Variants in MALT1 observed in about 807,000 individuals in gnomAD.
MALT1 encodes the protein mucosa-associated lymphoid tissue lymphoma translocation protein 1.
Under a neutral mutation model 85.5 loss-of-function variants are expected in MALT1, and 36 were observed. That is an observed-to-expected ratio of 0.42 (90% CI 0.32 to 0.56). MALT1 has a LOEUF of 0.56. Among genes scored for constraint, MALT1 ranks in the 20% least tolerant of loss-of-function variants. MALT1 has a pLI of 0.10. For synonymous variants in MALT1, 359 were observed against 361.3 expected (o/e 0.99, Z 0.07); for missense variants, 716 against 981.6 (o/e 0.73, Z 3.62).
In MALT1 at chr18:58,700,768, C is replaced by T. The variant is rs180736805; in HGVS notation, c.649+177C>T. Among the ~76,000 whole-genome samples, 153 of 149,192 alleles carry T rather than the reference C, an allele frequency of 1.0e-3. 2 individuals are homozygous for T. The East Asian group carries it at 0.012, about 12-fold the overall frequency. On this transcript the variant is annotated intron_variant, in intron 4 of 16. Transcript: ENST00000649217. The stretch of plus-strand genomic sequence containing the variant: ...GATTTGATCCATGTGTTTTGTCTTT[C>T]TTTTTTTTTTAATTTAGTTTTTGGT...
chr18:58,692,445 C>CA (rs1568129469), intron 2 of MALT1, among the ~76,000 whole-genome samples: 922 of 28,388 alleles, frequency 0.032, 25 homozygotes, highest in African/African-American at 0.096. Flanking sequence ...TCACTCTCTC[C>CA]CTCCCTCCCT....
chr18:58,727,625 TTTG>T (rs1159557137), intron 10 of MALT1, among the ~76,000 whole-genome samples: 8 of 128,350 alleles, frequency 6.2e-5, no homozygotes, highest in African/African-American at 1.4e-4. Context: ...TGTTTTTTTT[TTTG>T]TTTTTTTTTT....
chr18:58,727,926 G>T (rs1360662955), intron 10 of MALT1, among the ~76,000 whole-genome samples: 2 of 152,164 alleles, frequency 1.3e-5, no homozygotes, highest in East Asian at 3.9e-4. Context: ...TGTGAGGATT[G>T]TGTGAGGCAA....
At chr18:58,747,342 T>G (rs761921039) in intron 16 of MALT1, 63 bp from the exon 17 acceptor site, 11 of 1,081,010 alleles carry the variant, frequency 1.0e-5, no homozygotes, top group Middle Eastern at 2.2e-4. Context: ...TGTGTGAATA[T>G]TTTCAGATTG....
At chr18:58,719,576 ATAT>A (rs2054955057) in intron 9 of MALT1, among the ~76,000 whole-genome samples, 1 of 152,298 alleles carries the variant, frequency 6.6e-6, no homozygotes, top group African/African-American at 2.4e-5. Context: ...GGGGTCACAC[ATAT>A]TATGTTGCTC....
chr18:58,741,920 T>A lies in MALT1; in HGVS notation c.1659T>A (p.Ser553Arg). ...AACAGGCTCTAGAGATTCGAAGTAG[T>A]TTATCTGAGAAGAGAGCACTTACTG... is the stretch of plus-strand genomic sequence containing the variant. ...KGKQALEIRS[S>R]LSEKRALTDP... is the part of the protein sequence containing the mutation. Residue 553 changes from serine to arginine, a missense_variant, in exon 14 of 17, where the codon AGT (serine) becomes AGA (arginine). Transcript: ENST00000649217. 1 of 1,568,822 alleles carries A rather than the reference T, an allele frequency of 6.4e-7. No individual in the cohort carries two copies.
chr18:58,719,274 G>A (rs1274204018), intron 9 of MALT1, among the ~76,000 whole-genome samples: 1 of 148,758 alleles, frequency 6.7e-6, no homozygotes, highest in African/African-American at 2.6e-5. Context: ...GCACCTTAGT[G>A]GGGGTTGGTG....
At chr18:58,692,407 C>CCTCCCTCTCTCTCTCT (rs2054519551) in intron 2 of MALT1, among the ~76,000 whole-genome samples, 1 of 130,360 alleles carries the variant, frequency 7.7e-6, no homozygotes, top group East Asian at 2.5e-4. Flanking sequence ...ACTGGCCATT[C>CCTCCCTCTCTCTCTCT]CTCTCTCTCT....
intron 2 of MALT1, among the ~76,000 whole-genome samples, chr18:58,689,887 G>A (rs527657215): frequency 5.5e-4 from 84 of 152,346 alleles, no homozygotes; most frequent in African/African-American, 1.9e-3. Context: ...AAAAGAGCTT[G>A]GCTTATAGAA....
intron 14 of MALT1, among the ~76,000 whole-genome samples, chr18:58,743,412 T>A (rs1169230586): frequency 6.6e-6 from 1 of 152,316 alleles, no homozygotes; most frequent in East Asian, 1.9e-4. Context: ...ATATTTTTAG[T>A]AAATTAACAT....
chr18:58,682,814 G>A (rs2054341762), intron 2 of MALT1, among the ~76,000 whole-genome samples: 1 of 152,190 alleles, frequency 6.6e-6, no homozygotes, highest in South Asian at 2.1e-4. Flanking sequence ...AGGAGACTTG[G>A]ACTCCCAATC....
Position 58,691,105 on chromosome 18 carries a change from G to A in MALT1, c.377-5261G>A, listed in dbSNP as rs115526232. 1,429 of 225,230 alleles carry A rather than the reference G, an allele frequency of 6.3e-3. 19 individuals carry two copies. Among genetic ancestry groups the A allele is most frequent in the African/African-American group, 0.03 (1,277 of 42,308 alleles). 14.0% of individuals were successfully genotyped at this position (225,230 alleles called of 1,614,324 possible). ...GCCGGCTGAGTGCCAAGGATCCTCT[G>A]CCCCCGCCATCTCCTCCAGAGAAGA... On this transcript the variant is annotated intron_variant, in intron 2 of 16. Transcript: ENST00000649217.
Position 58,671,592 on chromosome 18 carries a change from C to T in MALT1, c.-52C>T. The stretch of plus-strand genomic sequence containing the variant: ...GCGGAAGGTGCCCCGGGGCCGAGGC[C>T]CGTGACGGGGCGGGCGGGAGCCCCG... On this transcript the variant is annotated 5_prime_UTR_variant, in exon 1 of 17. Transcript: ENST00000649217. 8.6e-7 allele frequency: 1 copy of T among 1,159,350 alleles called. No individual in the cohort carries two copies. The highest frequency in any genetic ancestry group is 1.1e-6 in the Non-Finnish European group (1 of 928,356). 71.8% of individuals were successfully genotyped at this position (1,159,350 alleles called of 1,614,324 possible). A position where few individuals can be genotyped will look rare whatever the true frequency, so the allele number is the denominator to read the frequency against.
chr18:58,742,819 C>G (rs550289234), intron 14 of MALT1, among the ~76,000 whole-genome samples: 1 of 152,290 alleles, frequency 6.6e-6, no homozygotes, highest in African/African-American at 2.4e-5. Flanking sequence ...TTTGATTATT[C>G]GTATAACTGA....
intron 1 of MALT1, among the ~76,000 whole-genome samples, chr18:58,676,704 A>G (rs1000093679): frequency 1.4e-4 from 22 of 152,390 alleles, no homozygotes; most frequent in African/African-American, 3.6e-4. Flanking sequence ...ACACAAAAAG[A>G]TATCTCTGTG....
chr18:58,686,054 G>A (rs145955318), intron 2 of MALT1, among the ~76,000 whole-genome samples: 836 of 152,102 alleles, frequency 5.5e-3, no homozygotes, highest in Non-Finnish European at 9.3e-3. Context: ...TGCTTTTTGA[G>A]TCTCACTCTG....
In MALT1 at chr18:58,701,021, G is replaced by A. The variant is rs531098872; in HGVS notation, c.649+430G>A. ...TTGGCCAGGCTGGTCTTGAACTCCCGACCTCAGGTGACCCACCCGCCTCAG... is the reference window on the plus strand; with the variant it reads ...TTGGCCAGGCTGGTCTTGAACTCCCAACCTCAGGTGACCCACCCGCCTCAG... On this transcript the variant is annotated intron_variant, in intron 4 of 16. Coordinates refer to ENST00000649217, the MANE Select transcript of MALT1 (RefSeq NM_006785.4). 3.8e-3 allele frequency among the ~76,000 whole-genome samples: 571 copies of A among 152,118 alleles called. 4 individuals are homozygous for A. The highest frequency in any genetic ancestry group is 0.013 in the African/African-American group (543 of 41,500).
chr18:58,690,199 T>A (rs1051551483), intron 2 of MALT1, among the ~76,000 whole-genome samples: 5 of 152,222 alleles, frequency 3.3e-5, no homozygotes, highest in African/African-American at 1.2e-4. Context: ...TATTTCGAAC[T>A]TTTTCATTAT....
chr18:58,693,803 A>C (rs2054548420), intron 2 of MALT1, among the ~76,000 whole-genome samples: 1 of 152,212 alleles, frequency 6.6e-6, no homozygotes, highest in Non-Finnish European at 1.5e-5. Flanking sequence ...TGGGACATAT[A>C]AAATTGGTGG....
Sources: gnomAD v4.1 joint callset for allele counts (sites outside exome capture counted in the v4.1 genomes callset) on GRCh38, gnomAD v4.1.1 for gene constraint, MANE v1.5 for transcripts, NCBI Gene and HGNC (gene_info 2026-07-23, HGNC 2026-07-21) for gene names.